Variants in CACNA1E observed in about 807,000 individuals in gnomAD.
CACNA1E encodes the protein calcium voltage-gated channel subunit alpha1 E.
In CACNA1E, 40 loss-of-function variants were observed where a neutral mutation model predicts 259.2. The ratio of observed to expected loss-of-function variants is 0.15; its 90% CI spans 0.12 to 0.20. The LOEUF is 0.20. Among genes scored for constraint, CACNA1E ranks in the 10% least tolerant of loss-of-function variants. The pLI is 1.00. For missense variants in CACNA1E, 1,874 were observed against 3,040.1 expected, an observed-to-expected ratio of 0.62 and a Z score of 9.02; for synonymous variants, 1,104 against 1,138.5, an observed-to-expected ratio of 0.97 and a Z score of 0.61.
chr1:181,424,389 T>A (rs899766700), intron 2 of CACNA1E, among the ~76,000 whole-genome samples: 5 of 152,250 alleles, frequency 3.3e-5, no homozygotes, highest in Non-Finnish European at 5.9e-5. Context: ...AAAAAGAGGC[T>A]GTTTCTAGAT....
intron 3 of CACNA1E, among the ~76,000 whole-genome samples, chr1:181,551,414 A>G (rs1648139175): frequency 6.6e-6 from 1 of 152,210 alleles, no homozygotes; most frequent in South Asian, 2.1e-4. Flanking sequence ...TCCTCAATGC[A>G]GGCTGCTTGG....
intron 2 of CACNA1E, among the ~76,000 whole-genome samples, chr1:181,460,532 T>A (rs2102372279): frequency 6.6e-6 from 1 of 152,286 alleles, no homozygotes; most frequent in South Asian, 2.1e-4. Flanking sequence ...AGGACCTTCA[T>A]CACCTGTTGA....
At position 181,656,033 on chromosome 1, in the gene CACNA1E, TA is replaced by T. The variant is rs373979781; in HGVS notation, c.1055+4599del. On this transcript the variant is annotated intron_variant, in intron 7 of 47. Transcript: ENST00000367573. ...TCACATGGTTGTGGTGACGCTGGTG[TA>T]AAAAAACCCTGAATTGTCCATCATA... Among the ~76,000 whole-genome samples the T allele has an allele frequency of 2.7e-3, 411 of 152,266 alleles. 5 individuals are homozygous for T. Among genetic ancestry groups the T allele is most frequent in the African/African-American group, 9.6e-3 (400 of 41,552 alleles).
intron 18 of CACNA1E, among the ~76,000 whole-genome samples, chr1:181,730,855 T>C (rs1312450327): frequency 6.6e-6 from 1 of 152,146 alleles, no homozygotes; most frequent in Non-Finnish European, 1.5e-5. Context: ...ATCTGAAGGA[T>C]GTGTAGGTGG....
chr1:181,537,120 A>ATTTGTT (rs1668237512), intron 3 of CACNA1E, among the ~76,000 whole-genome samples: 4 of 105,902 alleles, frequency 3.8e-5, no homozygotes, highest in African/African-American at 7.5e-5. Context: ...TTTTTTTGAG[A>ATTTGTT]TGGAGTTTTG....
chr1:181,799,233 C>T lies in CACNA1E; in HGVS notation c.*399C>T, dbSNP rs74595936. ...GCCTGGAAGACTTTCTGGCTCTTAA[C>T]TGGGGAGTAGTGGAGACCATAGGAG... On this transcript the variant is annotated 3_prime_UTR_variant, in exon 48 of 48. Coordinates refer to ENST00000367573, the MANE Select transcript of CACNA1E (RefSeq NM_001205293.3). 96 of 162,950 alleles carry T rather than the reference C, an allele frequency of 5.9e-4. No homozygotes were observed. Among genetic ancestry groups the T allele is most frequent in the African/African-American group, 2.0e-3 (83 of 41,904 alleles). 10.1% of individuals were successfully genotyped at this position (162,950 alleles called of 1,614,324 possible).
At chr1:181,489,831 C>T (rs1288460052) in intron 1 of CACNA1E, among the ~76,000 whole-genome samples, 1 of 152,168 alleles carries the variant, frequency 6.6e-6, no homozygotes. Context: ...AACACTCCGC[C>T]ACCACTACCA....
upstream of CACNA1E, among the ~76,000 whole-genome samples, chr1:181,482,048 C>T (rs604621): frequency 8.6e-3 from 1,313 of 152,312 alleles, 18 homozygotes; most frequent in African/African-American, 0.03. Flanking sequence ...GCAGAAGCTC[C>T]CGCCAGGAGC....
chr1:181,408,429 G>A (rs1657618106), intron 1 of CACNA1E, among the ~76,000 whole-genome samples: 1 of 152,190 alleles, frequency 6.6e-6, no homozygotes, highest in Non-Finnish European at 1.5e-5. Context: ...ACTCTTGATA[G>A]GGTATAAAGG....
chr1:181,627,426 G>A (rs889537764), intron 6 of CACNA1E, among the ~76,000 whole-genome samples: 5 of 152,222 alleles, frequency 3.3e-5, no homozygotes, highest in African/African-American at 4.8e-5. Context: ...TCAAAGGACC[G>A]TGAATGTTTC....
In CACNA1E at chr1:181,483,517, C is replaced by A; in HGVS notation, c.-228C>A. ...TTCTTTTTTCTTTTTTTTTTTTTTC[C>A]TTCTTGAGGAATGGAGCTTCGCAGA... On this transcript the variant is annotated 5_prime_UTR_variant, in exon 1 of 48. Transcript: ENST00000367573. 6.9e-6 allele frequency: 2 copies of A among 288,482 alleles called. No individual in the cohort carries two copies. Among genetic ancestry groups the A allele is most frequent in the East Asian group, 5.4e-5 (1 of 18,540 alleles). 17.9% of individuals were successfully genotyped at this position (288,482 alleles called of 1,614,324 possible). A position where few individuals can be genotyped will look rare whatever the true frequency, so the allele number is the denominator to read the frequency against.
At chr1:181,612,951 A>AT (rs1028620650) in intron 6 of CACNA1E, among the ~76,000 whole-genome samples, 2 of 151,600 alleles carry the variant, frequency 1.3e-5, no homozygotes, top group African/African-American at 2.4e-5. Context: ...GTTAAGATTT[A>AT]TTTTTTTATG....
intron 7 of CACNA1E, among the ~76,000 whole-genome samples, chr1:181,694,206 G>GA (rs1558274367): frequency 6.6e-6 from 1 of 152,212 alleles, no homozygotes; most frequent in Non-Finnish European, 1.5e-5. Flanking sequence ...TTTAGCATTT[G>GA]AAAATCAGTC....
At chr1:181,620,474 G>C (rs1270581700) in intron 6 of CACNA1E, among the ~76,000 whole-genome samples, 1 of 152,218 alleles carries the variant, frequency 6.6e-6, no homozygotes, top group Non-Finnish European at 1.5e-5. Context: ...TCACCTCAAG[G>C]TGAGACTTAG....
At position 181,580,560 on chromosome 1, in the gene CACNA1E, G is replaced by T. The variant is rs369616440; in HGVS notation, c.770-35G>T. ...ATTTCCAGCTCATGCGAAACACCAT[G>T]TGATTTATCTCCTACCCTCCAAATG... On this transcript the variant is annotated intron_variant, in intron 5 of 47. Coordinates refer to ENST00000367573, the MANE Select transcript of CACNA1E (RefSeq NM_001205293.3). 2.2e-5 allele frequency: 35 copies of T among 1,599,268 alleles called. No homozygotes were observed. In the African/African-American group the frequency reaches 4.7e-4, roughly 21 times the overall value.
At chr1:181,604,798 T>G (rs149947963) in intron 6 of CACNA1E, among the ~76,000 whole-genome samples, 1 of 152,146 alleles carries the variant, frequency 6.6e-6, no homozygotes, top group Non-Finnish European at 1.5e-5. Context: ...CTGATCCTCA[T>G]AGGGTGGGAA....
chr1:181,344,024 T>G (rs1218997865), intron 1 of CACNA1E, among the ~76,000 whole-genome samples: 1 of 152,202 alleles, frequency 6.6e-6, no homozygotes, highest in African/African-American at 2.4e-5. Context: ...CACAGGAAGT[T>G]GTTCCTGCCA....
chr1:181,386,723 C>T (rs1655875351), intron 1 of CACNA1E, among the ~76,000 whole-genome samples: 1 of 152,162 alleles, frequency 6.6e-6, no homozygotes, highest in Non-Finnish European at 1.5e-5. Flanking sequence ...CAGTACAAAT[C>T]AGTATTGTCT....
chr1:181,595,394 G>A (rs939683745), intron 6 of CACNA1E, among the ~76,000 whole-genome samples: 6 of 152,144 alleles, frequency 3.9e-5, no homozygotes, highest in Admixed American at 6.5e-5. Flanking sequence ...CACCTCCCTC[G>A]TCCCCTGCAC....
Sources: gnomAD v4.1 joint callset for allele counts (sites outside exome capture counted in the v4.1 genomes callset) on GRCh38, gnomAD v4.1.1 for gene constraint, MANE v1.5 for transcripts, NCBI Gene and HGNC (gene_info 2026-07-23, HGNC 2026-07-21) for gene names.